Variants in RETREG1 observed in about 807,000 individuals in gnomAD.
RETREG1 encodes the protein reticulophagy regulator 1.
Under a neutral mutation model 54.8 loss-of-function variants are expected in RETREG1, and 44 were observed. The observed-to-expected ratio is 0.80, with a 90% confidence interval of 0.63 to 1.03. The LOEUF is 1.03. Among genes scored for constraint, RETREG1 ranks in the 50% least tolerant of loss-of-function variants. RETREG1 has a pLI of 0.00. For synonymous variants in RETREG1, 217 were observed against 238.5 expected, an observed-to-expected ratio of 0.91 and a Z score of 0.83; for missense variants, 554 against 605.1, an observed-to-expected ratio of 0.92 and a Z score of 0.89.
At chr5:16,525,245 CCTGCATCCTCTGGCCCCAACAGGTGG>C (rs1211695754) in intron 3 of RETREG1, among the ~76,000 whole-genome samples, 1 of 148,704 alleles carries the variant, frequency 6.7e-6, no homozygotes, top group Non-Finnish European at 1.5e-5. Flanking sequence ...ACTGTGCTGA[CCTGCATCCTCTGGCCCCAACAGGTGG>C]ATGTGCGCGG....
At chr5:16,546,107 TGAAAAA>T (rs1161706805) in intron 3 of RETREG1, among the ~76,000 whole-genome samples, 1 of 152,086 alleles carries the variant, frequency 6.6e-6, no homozygotes, top group Non-Finnish European at 1.5e-5. Flanking sequence ...GAAACAAACA[TGAAAAA>T]GAAAACAATT....
At chr5:16,535,611 ACGC>A (rs1248451090) in intron 3 of RETREG1, among the ~76,000 whole-genome samples, 13 of 147,672 alleles carry the variant, frequency 8.8e-5, no homozygotes, top group African/African-American at 3.3e-4. Flanking sequence ...TCCTGTGTAC[ACGC>A]TGCCTTCACG....
rs386403108 is a variant in RETREG1, at chr5:16,527,800, A to ATTTTTTTTTTTTTTTTTTTT, written c.458+37943_458+37962dup. On this transcript the variant is annotated intron_variant, in intron 3 of 8. Transcript: ENST00000306320. ...CTTAGTACAATTTCGAGGGACTCTAATTTTTTTTTTTTTTTTTTTTTTTTT... is the reference window on the plus strand; with the variant it reads ...CTTAGTACAATTTCGAGGGACTCTAATTTTTTTTTTTTTTTTTTTTTTTTTTTTTTTTTTTTTTTTTTTTT... Among the ~76,000 whole-genome samples the ATTTTTTTTTTTTTTTTTTTT allele has an allele frequency of 1.1e-3, 74 of 66,260 alleles. 19 individuals are homozygous for ATTTTTTTTTTTTTTTTTTTT. Among genetic ancestry groups the ATTTTTTTTTTTTTTTTTTTT allele is most frequent in the East Asian group, 5.0e-3 (9 of 1,796 alleles). 43.5% of individuals were successfully genotyped at this position (66,260 alleles called of 152,430 possible).
At chr5:16,600,359 C>T (rs1743019186) in intron 1 of RETREG1, among the ~76,000 whole-genome samples, 1 of 152,190 alleles carries the variant, frequency 6.6e-6, no homozygotes, top group South Asian at 2.1e-4. Context: ...CCAGCAAGGT[C>T]AGGAGAGAGG....
rs1436813519 is a variant in RETREG1, at chr5:16,508,845, T to A, written c.459-25373A>T. The A allele has an allele frequency of 3.5e-6, 5 of 1,412,786 alleles. No homozygotes were observed. In the Admixed American group the frequency reaches 1.5e-4, roughly 41 times the overall value. 87.5% of individuals were successfully genotyped at this position (1,412,786 alleles called of 1,614,324 possible). ...CCCTTGAATGAAGCTAGGAGCTGGG[T>A]TATTATCACTGCCCCCTTCTAAAAA... is the stretch of plus-strand genomic sequence containing the variant. On this transcript the variant is annotated intron_variant, in intron 3 of 8. Transcript: ENST00000306320.
chr5:16,572,782 C>T (rs149180323), intron 1 of RETREG1, among the ~76,000 whole-genome samples: 1 of 152,282 alleles, frequency 6.6e-6, no homozygotes, highest in African/African-American at 2.4e-5. Context: ...GGCTCTCTAA[C>T]AGACACGGAT....
chr5:16,602,270 T>C (rs1207303256), intron 1 of RETREG1, among the ~76,000 whole-genome samples: 1 of 152,170 alleles, frequency 6.6e-6, no homozygotes, highest in Non-Finnish European at 1.5e-5. Context: ...ATGTTGACTT[T>C]GTCCTGACCC....
In RETREG1 at chr5:16,549,359, C is replaced by T. The variant is rs796716855; in HGVS notation, c.458+16404G>A. ...AACTCCTCAAACTGGGATCACTTCC[C>T]CCCCTATTTCCACTAGGGAAGTAGA... On this transcript the variant is annotated intron_variant, in intron 3 of 8. Transcript: ENST00000306320. 3.9e-4 allele frequency among the ~76,000 whole-genome samples: 59 copies of T among 152,238 alleles called. 2 individuals are homozygous for T. The highest frequency in any genetic ancestry group is 1.2e-3 in the African/African-American group (51 of 41,562).
rs550893439 is a variant in RETREG1, at chr5:16,610,112, G to A, written c.320+6540C>T. ...AGCCATGGCTCTAACGCAAGCTGGG[G>A]CACCCCATTCAGGCTGGCAGAGAAG... is the stretch of plus-strand genomic sequence containing the variant. On this transcript the variant is annotated intron_variant, in intron 1 of 8. Transcript: ENST00000306320. Among the ~76,000 whole-genome samples, 83 of 152,250 alleles carry A rather than the reference G, an allele frequency of 5.5e-4. 1 individual carries two copies. Among genetic ancestry groups the A allele is most frequent in the African/African-American group, 2.0e-3 (82 of 41,536 alleles).
chr5:16,547,094 T>A (rs1579671611), intron 3 of RETREG1, among the ~76,000 whole-genome samples: 1 of 152,266 alleles, frequency 6.6e-6, no homozygotes, highest in East Asian at 1.9e-4. Context: ...TCCGGCAGGG[T>A]CTGCCTTCTG....
intron 1 of RETREG1, chr5:16,616,406 G>A (rs1743509943): frequency 3.2e-6 from 2 of 619,962 alleles, no homozygotes; most frequent in Admixed American, 3.6e-5. Flanking sequence ...AGGGTCGGCC[G>A]ACCACCTCGC....
intron 7 of RETREG1, 79 bp from the exon 8 acceptor site, chr5:16,477,867 C>A: frequency 1.3e-6 from 2 of 1,553,170 alleles, no homozygotes; most frequent in Non-Finnish European, 1.8e-6. Flanking sequence ...TATGAACCCC[C>A]AAAATGACAG....
At chr5:16,522,407 C>A (rs928226855) in intron 3 of RETREG1, among the ~76,000 whole-genome samples, 2 of 152,128 alleles carry the variant, frequency 1.3e-5, no homozygotes, top group Non-Finnish European at 2.9e-5. Flanking sequence ...TTCAGGCCAC[C>A]TCAGGATTCC....
At chr5:16,516,684 T>C (rs552978659) in intron 3 of RETREG1, among the ~76,000 whole-genome samples, 33 of 152,312 alleles carry the variant, frequency 2.2e-4, no homozygotes, top group Admixed American at 2.0e-3. Flanking sequence ...TCAGGCTGTA[T>C]TCCTGGTTTT....
chr5:16,490,759 G>A (rs573201213), intron 3 of RETREG1, among the ~76,000 whole-genome samples: 3 of 152,270 alleles, frequency 2.0e-5, no homozygotes, highest in Admixed American at 6.5e-5. Context: ...AATGTGGGGC[G>A]AGATACAGAA....
At chr5:16,529,478 C>G (rs767093200) in intron 3 of RETREG1, among the ~76,000 whole-genome samples, 26 of 152,030 alleles carry the variant, frequency 1.7e-4, no homozygotes, top group South Asian at 8.3e-4. Context: ...CTGAAATTGC[C>G]CTGCCACATG....
intron 1 of RETREG1, among the ~76,000 whole-genome samples, chr5:16,607,859 CCTCCA>C (rs528893077): frequency 6.6e-5 from 10 of 151,616 alleles, no homozygotes; most frequent in Middle Eastern, 3.4e-3. Context: ...CCTCCCCTCC[CCTCCA>C]CTCTCACTGT....
chr5:16,563,806 C>CT (rs1448402103), intron 3 of RETREG1, among the ~76,000 whole-genome samples: 4 of 151,810 alleles, frequency 2.6e-5, no homozygotes, highest in African/African-American at 4.8e-5. Context: ...AAATATAAAT[C>CT]TTTTTTTTCC....
intron 3 of RETREG1, among the ~76,000 whole-genome samples, chr5:16,524,560 C>T (rs1474852877): frequency 2.0e-5 from 3 of 152,218 alleles, no homozygotes; most frequent in Non-Finnish European, 4.4e-5. Context: ...GGTGGATTCA[C>T]GCTGCCAGAC....
Sources: allele counts gnomAD v4.1 joint callset (sites outside exome capture counted in the v4.1 genomes callset), GRCh38; gene constraint gnomAD v4.1.1; transcripts MANE v1.5; gene names NCBI Gene and HGNC (gene_info 2026-07-23, HGNC 2026-07-21).